The following LSAMP variants were observed in gnomAD, a reference collection of about 807,000 sequenced individuals.
LSAMP encodes limbic system-associated membrane protein.
LSAMP carries 7 observed loss-of-function variants against 38.6 expected under a neutral mutation model. The ratio of observed to expected loss-of-function variants is 0.18; its 90% CI spans 0.10 to 0.34. The LOEUF (loss-of-function observed/expected upper bound fraction) is 0.34, where lower values mean the gene tolerates loss of function less well. Among genes scored for constraint, LSAMP ranks in the 10% least tolerant of loss-of-function variants. The pLI is 1.00. For missense variants in LSAMP, 313 were observed against 420.0 expected (o/e 0.75, Z 2.23); for synonymous variants, 154 against 166.8 (o/e 0.92, Z 0.59).
chr3:116,116,181 G>C (rs1270354752), intron 1 of LSAMP, among the ~76,000 whole-genome samples: 1 of 149,234 alleles, frequency 6.7e-6, no homozygotes, highest in East Asian at 2.0e-4. Context: ...ATGTCTATTG[G>C]GTTTTTTATT....
intron 3 of LSAMP, among the ~76,000 whole-genome samples, chr3:115,970,698 A>G (rs771360544): frequency 6.6e-6 from 1 of 152,188 alleles, no homozygotes; most frequent in Non-Finnish European, 1.5e-5. Context: ...ATGTACAAAT[A>G]TCTGTGGGGT....
intron 3 of LSAMP, among the ~76,000 whole-genome samples, chr3:115,914,707 C>T (rs1304887293): frequency 6.6e-6 from 1 of 152,178 alleles, no homozygotes; most frequent in Admixed American, 6.5e-5. Context: ...AAGCATCTCT[C>T]TCATCAACAG....
intron 3 of LSAMP, among the ~76,000 whole-genome samples, chr3:115,967,470 C>G (rs933491060): frequency 6.6e-6 from 1 of 152,122 alleles, no homozygotes; most frequent in African/African-American, 2.4e-5. Context: ...TCTGAGCCCT[C>G]CAAACTGTTC....
At chr3:115,953,442 C>CAA (rs1491082529) in intron 3 of LSAMP, among the ~76,000 whole-genome samples, 21 of 139,714 alleles carry the variant, frequency 1.5e-4, no homozygotes, top group African/African-American at 4.8e-4. Context: ...CACACACACA[C>CAA]AATGTCTAAA....
chr3:116,441,900 C>A (rs1320860515), intron 1 of LSAMP, among the ~76,000 whole-genome samples: 1 of 152,206 alleles, frequency 6.6e-6, no homozygotes, highest in Admixed American at 6.5e-5. Context: ...TTCTTTGTCC[C>A]TGGGACAGAA....
At chr3:116,308,108 T>C (rs1182847664) in intron 1 of LSAMP, among the ~76,000 whole-genome samples, 4 of 151,952 alleles carry the variant, frequency 2.6e-5, no homozygotes, top group African/African-American at 9.7e-5. Context: ...CGCTGTTTCT[T>C]CTACCTAAAA....
At position 116,084,127 on chromosome 3, in the gene LSAMP, C is replaced by T. The variant is rs1272184064; in HGVS notation, c.388+2197G>A. Among the ~76,000 whole-genome samples, 5 of 152,128 alleles carry T rather than the reference C, an allele frequency of 3.3e-5. No individual in the cohort carries two copies. The East Asian group carries it at 9.6e-4, about 29-fold the overall frequency. On this transcript the variant is annotated intron_variant, in intron 2 of 6. Transcript: ENST00000490035. ...CTCCTTCCTGTCTCTGAACTTCAAG[C>T]TTTTGCATATATATAAAATAAAGTG...
intron 1 of LSAMP, among the ~76,000 whole-genome samples, chr3:116,429,368 T>C (rs1394410601): frequency 1.3e-5 from 2 of 152,200 alleles, no homozygotes; most frequent in African/African-American, 4.8e-5. Context: ...GGTGGAGATA[T>C]ATTCAGTAAA....
At chr3:116,357,746 G>C (rs538631647) in intron 1 of LSAMP, among the ~76,000 whole-genome samples, 1 of 152,122 alleles carries the variant, frequency 6.6e-6, no homozygotes. Context: ...CAATTATCTT[G>C]TTCCAAAGCT....
intron 1 of LSAMP, among the ~76,000 whole-genome samples, chr3:116,227,131 C>T (rs2046351605): frequency 6.6e-6 from 1 of 152,046 alleles, no homozygotes; most frequent in African/African-American, 2.4e-5. Context: ...TTTTAGGATT[C>T]ATAAAATGAC....
At chr3:116,415,634 A>G (rs117678018) in intron 1 of LSAMP, among the ~76,000 whole-genome samples, 5 of 152,118 alleles carry the variant, frequency 3.3e-5, no homozygotes, top group Non-Finnish European at 7.4e-5. Flanking sequence ...AGTTAGGTGT[A>G]TAGATGATTA....
chr3:116,019,250 A>G (rs1940571181), intron 3 of LSAMP, among the ~76,000 whole-genome samples: 3 of 151,890 alleles, frequency 2.0e-5, no homozygotes, highest in Admixed American at 2.0e-4. Flanking sequence ...TGATAGCCAG[A>G]TCTACATATA....
chr3:116,354,384 G>T (rs183094712), intron 1 of LSAMP, among the ~76,000 whole-genome samples: 5 of 152,258 alleles, frequency 3.3e-5, no homozygotes. Flanking sequence ...ACTTAGTTCA[G>T]GCCTTGTCAT....
intron 1 of LSAMP, among the ~76,000 whole-genome samples, chr3:116,111,649 T>C (rs907205074): frequency 1.3e-5 from 2 of 152,190 alleles, no homozygotes; most frequent in African/African-American, 4.8e-5. Flanking sequence ...TTTTTTGCCA[T>C]AGGTTATGAA....
chr3:116,213,281 A>ATAG (rs1256434198), intron 1 of LSAMP, among the ~76,000 whole-genome samples: 2 of 152,238 alleles, frequency 1.3e-5, no homozygotes, highest in African/African-American at 4.8e-5. Flanking sequence ...TAACTGAATC[A>ATAG]TGGGAGCAGC....
chr3:116,387,431 T>C (rs1369368867), intron 1 of LSAMP, among the ~76,000 whole-genome samples: 1 of 152,212 alleles, frequency 6.6e-6, no homozygotes, highest in Non-Finnish European at 1.5e-5. Flanking sequence ...TAAATGTTAG[T>C]TGACAGGGTA....
intron 1 of LSAMP, among the ~76,000 whole-genome samples, chr3:116,291,840 A>C (rs1005020336): frequency 1.3e-5 from 2 of 152,182 alleles, no homozygotes; most frequent in Non-Finnish European, 2.9e-5. Context: ...ATAAACCTGA[A>C]GTTTTTCTGG....
At chr3:116,273,633 C>A (rs2047003230) in intron 1 of LSAMP, among the ~76,000 whole-genome samples, 1 of 133,972 alleles carries the variant, frequency 7.5e-6, no homozygotes, top group South Asian at 2.4e-4. Context: ...GATGTTTGAC[C>A]ATGGGTTAGA....
chr3:116,282,437 A>T (rs866133921), intron 1 of LSAMP, among the ~76,000 whole-genome samples: 1 of 152,182 alleles, frequency 6.6e-6, no homozygotes, highest in African/African-American at 2.4e-5. Flanking sequence ...TCATTGTAAC[A>T]TTCTTTTTTT....
Sources: gnomAD v4.1 joint callset for allele counts (sites outside exome capture counted in the v4.1 genomes callset) on GRCh38, gnomAD v4.1.1 for gene constraint, MANE v1.5 for transcripts, NCBI Gene and HGNC (gene_info 2026-07-23, HGNC 2026-07-21) for gene names.